The following ATP8A2 variants were observed in gnomAD, a reference collection of about 807,000 sequenced individuals.
ATP8A2 encodes the protein phospholipid-transporting ATPase IB.
In ATP8A2, 100 loss-of-function variants were observed where a neutral mutation model predicts 165.6. That is an observed-to-expected ratio of 0.60 (90% CI 0.51 to 0.71). The LOEUF (loss-of-function observed/expected upper bound fraction) is 0.71. ATP8A2 is among the 30% of genes least tolerant of loss of function. ATP8A2 has a pLI of 0.00. For synonymous variants in ATP8A2, 543 were observed against 548.8 expected (o/e 0.99, Z 0.15); for missense variants, 1,227 against 1,479.5 (o/e 0.83, Z 2.80).
At chr13:26,007,135 G>A (rs1956758135) in intron 35 of ATP8A2, among the ~76,000 whole-genome samples, 1 of 152,040 alleles carries the variant, frequency 6.6e-6, no homozygotes, top group African/African-American at 2.4e-5. Context: ...TTTGTGAACA[G>A]ATAGCTTCCA....
At chr13:25,635,715 T>C (rs1011164568) in intron 24 of ATP8A2, among the ~76,000 whole-genome samples, 3 of 152,178 alleles carry the variant, frequency 2.0e-5, no homozygotes, top group Non-Finnish European at 2.9e-5. Flanking sequence ...GTTTTGAAGA[T>C]TTCCTCTGTG....
chr13:25,712,017 T>A (rs747731537), intron 25 of ATP8A2, among the ~76,000 whole-genome samples: 6 of 152,168 alleles, frequency 3.9e-5, no homozygotes, highest in Non-Finnish European at 7.4e-5. Context: ...TATCAATCTA[T>A]CTGAAGCTAG....
intron 34 of ATP8A2, among the ~76,000 whole-genome samples, chr13:25,962,056 A>T (rs1238219087): frequency 1.3e-5 from 2 of 152,162 alleles, no homozygotes; most frequent in Non-Finnish European, 2.9e-5. Flanking sequence ...AAAAGAAAAA[A>T]TACAGACACA....
At chr13:25,895,141 T>C (rs1258030878) in intron 33 of ATP8A2, among the ~76,000 whole-genome samples, 1 of 152,228 alleles carries the variant, frequency 6.6e-6, no homozygotes, top group Non-Finnish European at 1.5e-5. Context: ...TTCCAGTTTT[T>C]GTCCATTCAG....
chr13:25,641,795 A>G (rs1459482419), intron 24 of ATP8A2, among the ~76,000 whole-genome samples: 3 of 151,994 alleles, frequency 2.0e-5, no homozygotes, highest in Non-Finnish European at 4.4e-5. Flanking sequence ...TGCATTGCCA[A>G]GTCAATCCTA....
chr13:25,969,950 A>T (rs1955875734), intron 35 of ATP8A2, among the ~76,000 whole-genome samples: 1 of 152,188 alleles, frequency 6.6e-6, no homozygotes, highest in Non-Finnish European at 1.5e-5. Context: ...AAGGCTCAGG[A>T]CCTGTTAGAG....
At chr13:25,418,342 T>C (rs2034195457) in intron 1 of ATP8A2, among the ~76,000 whole-genome samples, 1 of 152,138 alleles carries the variant, frequency 6.6e-6, no homozygotes, top group African/African-American at 2.4e-5. Context: ...TAAATGGCAG[T>C]ACCCTATAGA....
chr13:26,001,539 G>T (rs1254158565), intron 35 of ATP8A2, among the ~76,000 whole-genome samples: 1 of 151,984 alleles, frequency 6.6e-6, no homozygotes, highest in Non-Finnish European at 1.5e-5. Flanking sequence ...GAGTTATTTT[G>T]GTTTTGGGGT....
chr13:25,744,773 A>G (rs909579583), intron 25 of ATP8A2, among the ~76,000 whole-genome samples: 2 of 152,218 alleles, frequency 1.3e-5, no homozygotes, highest in South Asian at 2.1e-4. Flanking sequence ...GCATTCATCT[A>G]GAGAGAAATC....
intron 1 of ATP8A2, among the ~76,000 whole-genome samples, chr13:25,426,613 A>G (rs1856804812): frequency 6.6e-6 from 1 of 152,162 alleles, no homozygotes; most frequent in South Asian, 2.1e-4. Context: ...TGTACAACAC[A>G]GAGTGAACCC....
At chr13:25,583,907 T>C (rs987982399) in intron 23 of ATP8A2, among the ~76,000 whole-genome samples, 3 of 152,230 alleles carry the variant, frequency 2.0e-5, no homozygotes, top group African/African-American at 7.2e-5. Context: ...TTAATTGATC[T>C]TTCTTAGCAA....
At chr13:25,774,089 A>G (rs2044686283) in intron 26 of ATP8A2, among the ~76,000 whole-genome samples, 1 of 152,166 alleles carries the variant, frequency 6.6e-6, no homozygotes, top group Non-Finnish European at 1.5e-5. Context: ...TCAGTTTAGT[A>G]GCTCACCTTT....
chr13:25,990,182 C>T (rs1350128845), intron 35 of ATP8A2, among the ~76,000 whole-genome samples: 1 of 149,220 alleles, frequency 6.7e-6, no homozygotes, highest in Non-Finnish European at 1.5e-5. Flanking sequence ...CATCGCTTCA[C>T]TTCTTCAGTC....
chr13:25,961,601 C>CTTCTGGTTGGGATTAT lies in ATP8A2; in HGVS notation c.3219_3234dup (p.Pro1079GlyfsTer12). 1.2e-6 allele frequency: 2 copies of CTTCTGGTTGGGATTAT among 1,614,088 alleles called. No individual in the cohort carries two copies. The highest frequency in any genetic ancestry group is 1.7e-6 in the Non-Finnish European group (2 of 1,179,946). On this transcript the variant is annotated frameshift_variant, in exon 34 of 37. Coordinates refer to ENST00000381655, the MANE Select transcript of ATP8A2 (RefSeq NM_016529.6). LOFTEE classifies it high-confidence loss of function. ...CAACTATGGTCCTGAGCTCCGCACACTTCTGGTTGGGATTATTTCTGGTTC... is the reference window on the plus strand; with the variant it reads ...CAACTATGGTCCTGAGCTCCGCACACTTCTGGTTGGGATTATTTCTGGTTGGGATTATTTCTGGTTC...
chr13:25,820,085 C>T (rs1432493449), intron 27 of ATP8A2, among the ~76,000 whole-genome samples: 3 of 152,276 alleles, frequency 2.0e-5, no homozygotes, highest in Middle Eastern at 3.4e-3. Flanking sequence ...TGTTAAGTGT[C>T]GGCTGTTAGC....
At chr13:25,849,548 T>C (rs1266685059) in intron 30 of ATP8A2, among the ~76,000 whole-genome samples, 5 of 152,374 alleles carry the variant, frequency 3.3e-5, no homozygotes, top group East Asian at 3.9e-4. Context: ...GCTTTTCTTA[T>C]AAATTGTGGC....
At chr13:25,571,911 C>T in intron 18 of ATP8A2, 1 of 554,344 alleles carries the variant, frequency 1.8e-6, no homozygotes, top group Non-Finnish European at 3.3e-6. Context: ...ACATGTCTTT[C>T]ATACACTGAT....
intron 27 of ATP8A2, among the ~76,000 whole-genome samples, chr13:25,775,562 G>A (rs756159739): frequency 1.1e-4 from 16 of 152,170 alleles, no homozygotes; most frequent in Non-Finnish European, 1.5e-4. Flanking sequence ...AATTTTCCAA[G>A]ATGCTGATTC....
intron 26 of ATP8A2, among the ~76,000 whole-genome samples, chr13:25,772,285 AT>A (rs1028099992): frequency 1.3e-5 from 2 of 150,980 alleles, no homozygotes; most frequent in East Asian, 1.9e-4. Flanking sequence ...TAGAATATAC[AT>A]TTTTTTTTCC....
Sources: gnomAD v4.1 joint callset for allele counts (sites outside exome capture counted in the v4.1 genomes callset) on GRCh38, gnomAD v4.1.1 for gene constraint, MANE v1.5 for transcripts, NCBI Gene and HGNC (gene_info 2026-07-23, HGNC 2026-07-21) for gene names.